GRIK1: variants seen among roughly 807,000 people sequenced by gnomAD.
GRIK1 encodes the protein glutamate receptor ionotropic, kainate 1.
A neutral mutation model predicts 105.7 loss-of-function variants in GRIK1; 69 were observed. The observed-to-expected ratio is 0.65, with a 90% CI of 0.54 to 0.80. The LOEUF is 0.80. Among genes scored for constraint, GRIK1 ranks in the 30% least tolerant of loss-of-function variants. The pLI is 0.00. For synonymous variants in GRIK1, 438 were observed against 431.3 expected (o/e 1.02, Z -0.19); for missense variants, 1,109 against 1,167.3 (o/e 0.95, Z 0.73).
At chr21:29,764,354 G>C (rs138317021) in intron 1 of GRIK1, among the ~76,000 whole-genome samples, 89 of 152,278 alleles carry the variant, frequency 5.8e-4, no homozygotes, top group African/African-American at 2.0e-3. Flanking sequence ...TAGCAGTGTG[G>C]ATTTTGTAGG....
intron 1 of GRIK1, among the ~76,000 whole-genome samples, chr21:29,697,311 G>C (rs539362846): frequency 6.6e-6 from 1 of 152,276 alleles, no homozygotes; most frequent in South Asian, 2.1e-4. Flanking sequence ...AAAAAGAGGA[G>C]TTGGCACCAA....
intron 1 of GRIK1, among the ~76,000 whole-genome samples, chr21:29,909,519 A>C (rs1408112416): frequency 6.6e-6 from 1 of 152,020 alleles, no homozygotes; most frequent in Non-Finnish European, 1.5e-5. Flanking sequence ...GCTTCAAATA[A>C]GGCAACTCTA....
intron 14 of GRIK1, among the ~76,000 whole-genome samples, chr21:29,565,799 T>G (rs2090599355): frequency 6.6e-6 from 1 of 152,168 alleles, no homozygotes; most frequent in Admixed American, 6.5e-5. Flanking sequence ...GAGTTTCACA[T>G]AAGGAGATGC....
intron 16 of GRIK1, among the ~76,000 whole-genome samples, chr21:29,548,312 C>T (rs1601080029): frequency 6.6e-6 from 1 of 152,260 alleles, no homozygotes; most frequent in Non-Finnish European, 1.5e-5. Context: ...ATGTTCATAT[C>T]TTTGCAATTA....
At position 29,555,135 on chromosome 21, in the gene GRIK1, G is replaced by C; in HGVS notation, c.2524C>G (p.Leu842Val). 1.2e-6 allele frequency: 2 copies of C among 1,613,628 alleles called. No individual in the cohort carries two copies. Among genetic ancestry groups the C allele is most frequent in the Non-Finnish European group, 1.7e-6 (2 of 1,179,570 alleles). Residue 842 changes from leucine to valine, a missense_variant, in exon 16 of 18, where the codon CTG (leucine) becomes GTG (valine). Leu to Val is a conservative substitution (Grantham distance 32). Coordinates refer to ENST00000327783, the MANE Select transcript of GRIK1 (RefSeq NM_001330994.2). ...ACAGAAAGGACCAGTCCGGCAGCCA[G>C]AACAATGAAGATGCCTCCAATATTT... ...VENIGGIFIV[L>V]AAGLVLSVFV...
intron 7 of GRIK1, among the ~76,000 whole-genome samples, chr21:29,613,435 A>G (rs1025376999): frequency 2.0e-5 from 3 of 152,190 alleles, no homozygotes; most frequent in African/African-American, 7.2e-5. Flanking sequence ...ACACTACACC[A>G]TAAGAATCAC....
chr21:29,717,778 G>A (rs749226660), intron 1 of GRIK1, among the ~76,000 whole-genome samples: 1 of 152,222 alleles, frequency 6.6e-6, no homozygotes, highest in Non-Finnish European at 1.5e-5. Flanking sequence ...TTGGGGGACT[G>A]TTGGAAAGGC....
chr21:29,656,354 CAAAAAAAAAAAAAAAAAAAAAA>C (rs3054331), intron 4 of GRIK1, among the ~76,000 whole-genome samples: 23,312 of 53,016 alleles, frequency 0.44, 2,966 homozygotes, highest in Admixed American at 0.52. Flanking sequence ...GAGCGAGACT[CAAAAAAAAAAAAAAAAAAAAAA>C]AAAAAAAAAA....
intron 4 of GRIK1, among the ~76,000 whole-genome samples, chr21:29,660,680 C>CT (rs771466926): frequency 3.5e-4 from 54 of 152,256 alleles, no homozygotes; most frequent in Non-Finnish European, 6.5e-4. Flanking sequence ...TTTATTACTG[C>CT]TTTTTTTCCA....
chr21:29,609,809 C>T (rs915729821), intron 7 of GRIK1, among the ~76,000 whole-genome samples: 1 of 152,124 alleles, frequency 6.6e-6, no homozygotes, highest in Non-Finnish European at 1.5e-5. Flanking sequence ...GGTCATGGGA[C>T]TTCTCTGTCA....
At chr21:29,939,359 G>A (rs1162549975) in intron 1 of GRIK1, 24 bp downstream of exon 1, 4 of 1,333,498 alleles carry the variant, frequency 3.0e-6, no homozygotes, top group Admixed American at 2.0e-5. Flanking sequence ...CGTCTCCCGA[G>A]CAGGCAGCCT....
intron 1 of GRIK1, among the ~76,000 whole-genome samples, chr21:29,778,542 T>C (rs1439617384): frequency 6.6e-6 from 1 of 152,172 alleles, no homozygotes; most frequent in Non-Finnish European, 1.5e-5. Context: ...TATCAGAACT[T>C]TTCTCTGTGT....
chr21:29,844,903 C>T (rs461637), intron 1 of GRIK1, among the ~76,000 whole-genome samples: 152,138 of 152,314 alleles, frequency 1, 75,981 homozygotes, highest in Middle Eastern at 1. Flanking sequence ...TGTTCCAGAA[C>T]ACTTGTCTAT....
Position 29,888,199 on chromosome 21 carries a change from C to CTTTCTTTCTTTCTTCCTT in GRIK1, c.118+51183_118+51184insAAGGAAGAAAGAAAGAAA, listed in dbSNP as rs1391865067. 3.1e-3 allele frequency among the ~76,000 whole-genome samples: 49 copies of CTTTCTTTCTTTCTTCCTT among 15,814 alleles called. 11 individuals are homozygous for CTTTCTTTCTTTCTTCCTT. Among genetic ancestry groups the CTTTCTTTCTTTCTTCCTT allele is most frequent in the South Asian group, 0.022 (6 of 272 alleles). 10.4% of individuals were successfully genotyped at this position (15,814 alleles called of 152,430 possible). On this transcript the variant is annotated intron_variant, in intron 1 of 17. Transcript: ENST00000327783. ...TTTCTTTCTTCCTTTCTTTCTTTCT[C>CTTTCTTTCTTTCTTCCTT]TCTCTCTCTCTCTCTCTCTCTCTCT...
At chr21:29,911,298 T>A (rs1046939121) in intron 1 of GRIK1, among the ~76,000 whole-genome samples, 4 of 152,064 alleles carry the variant, frequency 2.6e-5, no homozygotes, top group African/African-American at 9.7e-5. Context: ...GACAAAATGT[T>A]TATTACATCT....
chr21:29,818,249 A>T (rs773906171), intron 1 of GRIK1, among the ~76,000 whole-genome samples: 2 of 152,150 alleles, frequency 1.3e-5, no homozygotes, highest in Non-Finnish European at 2.9e-5. Flanking sequence ...TGACAGACAA[A>T]AAAAATTTCT....
intron 1 of GRIK1, among the ~76,000 whole-genome samples, chr21:29,726,676 T>C (rs1209715887): frequency 1.3e-5 from 2 of 151,898 alleles, no homozygotes; most frequent in African/African-American, 4.8e-5. Context: ...TAACATACTA[T>C]TTAATGGTTA....
chr21:29,795,957 T>A (rs1357142171), intron 1 of GRIK1, among the ~76,000 whole-genome samples: 1 of 152,170 alleles, frequency 6.6e-6, no homozygotes, highest in East Asian at 1.9e-4. Context: ...CTTCAATTCA[T>A]TTGCCTACTC....
intron 7 of GRIK1, among the ~76,000 whole-genome samples, chr21:29,617,084 C>G (rs572755656): frequency 4.6e-5 from 7 of 152,220 alleles, no homozygotes; most frequent in Non-Finnish European, 8.8e-5. Context: ...TTGCAGATCT[C>G]TAATTAGCAA....
Sources: allele counts gnomAD v4.1 joint callset (sites outside exome capture counted in the v4.1 genomes callset), GRCh38; gene constraint gnomAD v4.1.1; transcripts MANE v1.5; gene names NCBI Gene and HGNC (gene_info 2026-07-23, HGNC 2026-07-21).